MPPED1: variants seen among roughly 807,000 people sequenced by gnomAD.
MPPED1 encodes metallophosphoesterase domain containing 1.
MPPED1 carries 16 observed loss-of-function variants against 36.2 expected under a neutral mutation model. That is an observed-to-expected ratio of 0.44 (90% CI 0.30 to 0.67). The LOEUF (loss-of-function observed/expected upper bound fraction) is 0.67, where lower values mean the gene tolerates loss of function less well. Among genes scored for constraint, MPPED1 ranks in the 30% least tolerant of loss-of-function variants. The pLI, the probability that MPPED1 is intolerant of heterozygous loss-of-function variation, is 0.10. For synonymous variants in MPPED1, 199 were observed against 191.3 expected (o/e 1.04, Z -0.33); for missense variants, 307 against 453.4 (o/e 0.68, Z 2.93).
At chr22:43,482,653 C>T (rs1443561825) in intron 4 of MPPED1, among the ~76,000 whole-genome samples, 2 of 152,234 alleles carry the variant, frequency 1.3e-5, no homozygotes, top group Non-Finnish European at 2.9e-5. Context: ...CCTGTGTGCA[C>T]ACTGCTTGGC....
At chr22:43,427,954 G>T (rs770830992) in intron 2 of MPPED1, among the ~76,000 whole-genome samples, 7 of 152,166 alleles carry the variant, frequency 4.6e-5, no homozygotes, top group Non-Finnish European at 8.8e-5. Context: ...AAAACGCTGC[G>T]CACAGTAATG....
chr22:43,477,041 C>T (rs1479038166), intron 4 of MPPED1, among the ~76,000 whole-genome samples: 1 of 152,168 alleles, frequency 6.6e-6, no homozygotes, highest in Non-Finnish European at 1.5e-5. Context: ...GAGGTGGGTT[C>T]AGGGGCCCTG....
chr22:43,441,357 T>C (rs183825690), intron 3 of MPPED1, among the ~76,000 whole-genome samples: 1 of 152,196 alleles, frequency 6.6e-6, no homozygotes, highest in African/African-American at 2.4e-5. Context: ...CTCTGCCCAC[T>C]GTGTCACCTG....
At chr22:43,500,272 A>AGGTGGTGAT (rs1344606345) in intron 5 of MPPED1, among the ~76,000 whole-genome samples, 5 of 8,256 alleles carry the variant, frequency 6.1e-4, no homozygotes, top group South Asian at 3.5e-3. Context: ...ATGGTGATGG[A>AGGTGGTGAT]GGTGGCGGTG....
At chr22:43,470,039 T>C (rs1013063898) in intron 3 of MPPED1, among the ~76,000 whole-genome samples, 4 of 152,092 alleles carry the variant, frequency 2.6e-5, no homozygotes, top group Non-Finnish European at 5.9e-5. Context: ...CATCTATATA[T>C]GCATCTATAT....
chr22:43,463,807 T>TTTTCTTTCTTTCTTTCTTTTTTTC (rs1931044072), intron 3 of MPPED1, among the ~76,000 whole-genome samples: 5 of 112,890 alleles, frequency 4.4e-5, no homozygotes, highest in Admixed American at 9.1e-5. Context: ...TCATTTTTTC[T>TTTTCTTTCTTTCTTTCTTTTTTTC]TTTCTTTCTT....
At chr22:43,433,375 T>G (rs1929833709) in intron 2 of MPPED1, among the ~76,000 whole-genome samples, 1 of 152,172 alleles carries the variant, frequency 6.6e-6, no homozygotes, top group South Asian at 2.1e-4. Context: ...TTCATCCCTG[T>G]GGCCCTGCGC....
chr22:43,442,592 G>A (rs114422355), intron 3 of MPPED1, among the ~76,000 whole-genome samples: 46 of 152,298 alleles, frequency 3.0e-4, no homozygotes, highest in Middle Eastern at 3.4e-3. Flanking sequence ...GTCTTCCTGG[G>A]AATGGGGTGC....
chr22:43,470,007 A>C (rs755010189), intron 3 of MPPED1, among the ~76,000 whole-genome samples: 1 of 151,642 alleles, frequency 6.6e-6, no homozygotes, highest in Non-Finnish European at 1.5e-5. Context: ...CCATCTATAA[A>C]CCATCCATCC....
intron 5 of MPPED1, among the ~76,000 whole-genome samples, chr22:43,499,087 G>A (rs530857854): frequency 2.0e-5 from 3 of 151,450 alleles, no homozygotes; most frequent in Non-Finnish European, 1.5e-5. Context: ...TGATGGTGGA[G>A]GTGGTGGTGG....
At chr22:43,491,208 C>T (rs1199754802) in intron 4 of MPPED1, among the ~76,000 whole-genome samples, 1 of 152,138 alleles carries the variant, frequency 6.6e-6, no homozygotes, top group Non-Finnish European at 1.5e-5. Flanking sequence ...GTGGGTGAGT[C>T]TCAGGAGGGC....
chr22:43,427,564 T>G (rs1247205493), intron 2 of MPPED1, among the ~76,000 whole-genome samples: 15 of 151,950 alleles, frequency 9.9e-5, no homozygotes, highest in Admixed American at 9.8e-4. Context: ...AATGACTGAA[T>G]GAGAGGGGGT....
At chr22:43,431,643 C>T (rs1929691955) in intron 2 of MPPED1, among the ~76,000 whole-genome samples, 1 of 152,164 alleles carries the variant, frequency 6.6e-6, no homozygotes, top group East Asian at 1.9e-4. Context: ...CTTTTCTGAG[C>T]CTTGGTTTGC....
At chr22:43,437,315 T>C (rs1050975406) in intron 3 of MPPED1, among the ~76,000 whole-genome samples, 1 of 152,226 alleles carries the variant, frequency 6.6e-6, no homozygotes, top group Non-Finnish European at 1.5e-5. Context: ...TAGTATGTGC[T>C]GGGTGCTGTT....
In MPPED1 at chr22:43,505,696, T is replaced by G; in HGVS notation, c.*80T>G. On this transcript the variant is annotated 3_prime_UTR_variant, in exon 7 of 7. Coordinates refer to ENST00000443721, the MANE Select transcript of MPPED1 (RefSeq NM_001044370.2). The stretch of plus-strand genomic sequence containing the variant: ...CGGCCACTGTTCCTTCCATGCTGAG[T>G]TGCCTGGACGACCCATCTGGCTGCG... 7.6e-7 allele frequency: 1 copy of G among 1,311,940 alleles called. No individual in the cohort carries two copies. The highest frequency in any genetic ancestry group is 1.3e-5 in the South Asian group (1 of 74,710). 81.3% of individuals were successfully genotyped at this position (1,311,940 alleles called of 1,614,324 possible). A position where few individuals can be genotyped will look rare whatever the true frequency, so the allele number is the denominator to read the frequency against.
At chr22:43,438,003 A>G (rs1232944645) in intron 3 of MPPED1, among the ~76,000 whole-genome samples, 1 of 152,142 alleles carries the variant, frequency 6.6e-6, no homozygotes, top group Non-Finnish European at 1.5e-5. Context: ...AGAGAAAAAG[A>G]GACTGGAAAG....
intron 1 of MPPED1, among the ~76,000 whole-genome samples, chr22:43,413,745 G>A (rs1324814471): frequency 6.6e-6 from 1 of 152,198 alleles, no homozygotes; most frequent in Non-Finnish European, 1.5e-5. Flanking sequence ...GATGGATTTC[G>A]GTGGAATGGT....
In MPPED1 at chr22:43,499,204, G is replaced by A. The variant is rs1431291677; in HGVS notation, c.748+854G>A. ...GAGATGGTGGTGGTGGTGGTGGGAG[G>A]TGGTGATAGTCATAGAGGTAGTGGC... On this transcript the variant is annotated intron_variant, in intron 5 of 6. Coordinates refer to ENST00000443721, the MANE Select transcript of MPPED1 (RefSeq NM_001044370.2). Among the ~76,000 whole-genome samples, 5 of 148,744 alleles carry A rather than the reference G, an allele frequency of 3.4e-5. No individual in the cohort carries two copies. The East Asian group carries it at 8.1e-4, about 24-fold the overall frequency.
intron 3 of MPPED1, among the ~76,000 whole-genome samples, chr22:43,452,927 G>T (rs139646489): frequency 1.3e-5 from 2 of 149,898 alleles, no homozygotes; most frequent in East Asian, 4.0e-4. Flanking sequence ...CACCTAGCCA[G>T]AAATATTTTA....
Sources: gnomAD v4.1 joint callset for allele counts (sites outside exome capture counted in the v4.1 genomes callset) on GRCh38, gnomAD v4.1.1 for gene constraint, MANE v1.5 for transcripts, NCBI Gene and HGNC (gene_info 2026-07-23, HGNC 2026-07-21) for gene names.